CIMIP4: variants seen among roughly 807,000 people sequenced by gnomAD.
CIMIP4 encodes the protein protein EAN57.
At chr22:36,995,669 G>C in the CIMIP4 span, among the ~76,000 whole-genome samples, 1 of 152,162 alleles carries the variant, frequency 6.6e-6, no homozygotes, top group Admixed American at 6.5e-5. Context: ...TTCCATGGTA[G>C]TGAATAAATT....
the CIMIP4 span, chr22:37,002,280 G>A: frequency 7.0e-7 from 1 of 1,435,534 alleles, no homozygotes; most frequent in Non-Finnish European, 9.2e-7. Flanking sequence ...TCATTCAGAT[G>A]GGCCCTGGTG....
the CIMIP4 span, among the ~76,000 whole-genome samples, chr22:37,004,192 C>A: frequency 6.6e-6 from 1 of 152,128 alleles, no homozygotes; most frequent in East Asian, 1.9e-4. Context: ...ACCCACGGAG[C>A]CTCTGCCCCA....
At chr22:37,001,633 T>C in the CIMIP4 span, among the ~76,000 whole-genome samples, 1 of 152,174 alleles carries the variant, frequency 6.6e-6, no homozygotes, top group African/African-American at 2.4e-5. Flanking sequence ...ACAATAATAG[T>C]ACCTTCCTCA....
the CIMIP4 span, among the ~76,000 whole-genome samples, chr22:36,993,661 G>A: frequency 3.8e-4 from 57 of 151,964 alleles, no homozygotes; most frequent in African/African-American, 1.4e-3. Context: ...CCCAGGAGGC[G>A]GAGCTTGCAG....
chr22:37,007,050 G>T, the CIMIP4 span, among the ~76,000 whole-genome samples: 1 of 152,106 alleles, frequency 6.6e-6, no homozygotes, highest in African/African-American at 2.4e-5. Flanking sequence ...TCCTTCTCTG[G>T]TCGAGCTTTG....
At chr22:36,998,882 G>C in the CIMIP4 span, among the ~76,000 whole-genome samples, 1 of 152,012 alleles carries the variant, frequency 6.6e-6, no homozygotes, top group Non-Finnish European at 1.5e-5. Context: ...GACTTGCCTC[G>C]GCCAAGCACC....
chr22:36,993,460 A>G, the CIMIP4 span, among the ~76,000 whole-genome samples: 1 of 152,140 alleles, frequency 6.6e-6, no homozygotes, highest in Admixed American at 6.5e-5. Flanking sequence ...GATTGAGAAA[A>G]ATAAGAAAGC....
the CIMIP4 span, among the ~76,000 whole-genome samples, chr22:36,995,755 A>G: frequency 1.3e-5 from 2 of 152,304 alleles, no homozygotes; most frequent in Non-Finnish European, 2.9e-5. Flanking sequence ...CCACCGTGTA[A>G]GACGTGCCTT....
At chr22:37,001,132 A>C in the CIMIP4 span, among the ~76,000 whole-genome samples, 2 of 152,088 alleles carry the variant, frequency 1.3e-5, no homozygotes, top group African/African-American at 4.8e-5. Flanking sequence ...GAAACGGTAG[A>C]TGAATTTTAT....
At chr22:37,000,080 C>T in the CIMIP4 span, 1 of 1,446,042 alleles carries the variant, frequency 6.9e-7, no homozygotes. Flanking sequence ...CCTGCCCTCC[C>T]CACCCCGATC....
At chr22:37,001,787 T>C in the CIMIP4 span, 1 of 1,457,836 alleles carries the variant, frequency 6.9e-7, no homozygotes, top group African/African-American at 1.4e-5. Context: ...GTTTATCTTA[T>C]GTCCTCATTA....
At chr22:37,003,144 T>G in the CIMIP4 span, among the ~76,000 whole-genome samples, 1 of 152,256 alleles carries the variant, frequency 6.6e-6, no homozygotes, top group African/African-American at 2.4e-5. Flanking sequence ...TAAACCATCA[T>G]ATCCCCTGGA....
At chr22:36,995,526 C>T in the CIMIP4 span, among the ~76,000 whole-genome samples, 1 of 152,190 alleles carries the variant, frequency 6.6e-6, no homozygotes, top group Admixed American at 6.5e-5. Context: ...CCCCGCAGCC[C>T]TGTCTGTGGG....
At chr22:36,997,984 C>G in the CIMIP4 span, among the ~76,000 whole-genome samples, 1 of 152,208 alleles carries the variant, frequency 6.6e-6, no homozygotes, top group Admixed American at 6.5e-5. Flanking sequence ...AGTGTAAATA[C>G]TACTAGCATG....
the CIMIP4 span, among the ~76,000 whole-genome samples, chr22:37,001,389 C>T: frequency 1.1e-4 from 17 of 152,146 alleles, no homozygotes; most frequent in East Asian, 1.9e-4. Flanking sequence ...TTCAAACGCA[C>T]GTCTTCTGAT....
chr22:36,992,694 A>G, the CIMIP4 span, among the ~76,000 whole-genome samples: 1 of 152,162 alleles, frequency 6.6e-6, no homozygotes, highest in African/African-American at 2.4e-5. Flanking sequence ...GAAAATTGCC[A>G]TCATAAAAGT....
At chr22:37,000,099 AGCCT>A in the CIMIP4 span, 15 of 1,342,896 alleles carry the variant, frequency 1.1e-5, no homozygotes, top group Non-Finnish European at 1.5e-5. Context: ...TCCCACCTGT[AGCCT>A]GCAGCCCTCA....
At chr22:37,002,459 G>A in the CIMIP4 span, among the ~76,000 whole-genome samples, 1 of 152,104 alleles carries the variant, frequency 6.6e-6, no homozygotes, top group East Asian at 1.9e-4. Flanking sequence ...GGAGAGGGAC[G>A]GAGAGGAAGC....
chr22:36,991,789 T>G, the CIMIP4 span, among the ~76,000 whole-genome samples: 1 of 152,170 alleles, frequency 6.6e-6, no homozygotes, highest in East Asian at 1.9e-4. Context: ...CAGAGAAATT[T>G]TTAACCTCTC....
Sources: allele counts gnomAD v4.1 joint callset (sites outside exome capture counted in the v4.1 genomes callset), GRCh38; gene constraint gnomAD v4.1.1; transcripts MANE v1.5; gene names NCBI Gene and HGNC (gene_info 2026-07-23, HGNC 2026-07-21).